CASD1: variants seen among roughly 807,000 people sequenced by gnomAD.
CASD1 encodes the protein N-acetylneuraminate (7)9-O-acetyltransferase.
In CASD1, 41 loss-of-function variants were observed where a neutral mutation model predicts 100.0. That is an observed-to-expected ratio of 0.41 (90% CI 0.32 to 0.53). The LOEUF is 0.53. CASD1 is among the 20% of genes least tolerant of loss of function. CASD1 has a pLI of 0.25. For missense variants in CASD1, 774 were observed against 948.7 expected (o/e 0.82, Z 2.42); for synonymous variants, 321 against 315.6 (o/e 1.02, Z -0.18).
At chr7:94,548,921 A>G (rs982985780) in intron 13 of CASD1, among the ~76,000 whole-genome samples, 8 of 152,092 alleles carry the variant, frequency 5.3e-5, no homozygotes, top group Middle Eastern at 3.4e-3. Flanking sequence ...AGAGGGTACT[A>G]TTCACTAACT....
At chr7:94,582,530 C>T in the CASD1 span, among the ~76,000 whole-genome samples, 2 of 152,026 alleles carry the variant, frequency 1.3e-5, no homozygotes, top group South Asian at 2.1e-4. Context: ...AATTTAAGTT[C>T]CTTATAGATG....
At chr7:94,623,352 A>T in the CASD1 span, 62 of 1,604,086 alleles carry the variant, frequency 3.9e-5, no homozygotes, top group Admixed American at 1.0e-3. Flanking sequence ...TTAATTATCA[A>T]ATTATGCCTT....
rs777274357 is a variant in CASD1, at chr7:94,556,556, A to T, written c.*798A>T. The T allele has an allele frequency of 1.3e-5, 2 of 151,992 alleles. No individual in the cohort carries two copies. Among genetic ancestry groups the T allele is most frequent in the Non-Finnish European group, 2.9e-5 (2 of 67,920 alleles). The allele number at this position is 151,992 out of a possible 1,614,324, so 9.4% of individuals were successfully genotyped here. On this transcript the variant is annotated 3_prime_UTR_variant, in exon 18 of 18. Transcript: ENST00000297273. ...ACCCTGTGGATCCATTTAATATGTTATCCCCACTAATTAATTTTCGTATAT... is the reference window on the plus strand; with the variant it reads ...ACCCTGTGGATCCATTTAATATGTTTTCCCCACTAATTAATTTTCGTATAT...
chr7:94,549,732 A>G (rs1795853776), intron 14 of CASD1, 98 bp downstream of exon 14: 1 of 865,834 alleles, frequency 1.2e-6, no homozygotes, highest in East Asian at 2.7e-5. Flanking sequence ...CAGAATAAAT[A>G]AAGATGTTGA....
the CASD1 span, among the ~76,000 whole-genome samples, chr7:94,611,116 A>G: frequency 3.3e-5 from 5 of 152,230 alleles, no homozygotes; most frequent in Non-Finnish European, 4.4e-5. Flanking sequence ...ATACAGAGTT[A>G]CCATATGACC....
intron 8 of CASD1, 60 bp downstream of exon 8, chr7:94,535,583 T>A: frequency 8.6e-7 from 1 of 1,162,726 alleles, no homozygotes; most frequent in Non-Finnish European, 1.3e-6. Flanking sequence ...CTTTAAGCCA[T>A]AAGTCATTAT....
intron 9 of CASD1, 127 bp from the exon 10 acceptor site, chr7:94,538,840 A>G (rs1457722266): frequency 1.1e-5 from 5 of 460,464 alleles, no homozygotes; most frequent in East Asian, 6.7e-5. Context: ...GTTTCTCACC[A>G]TCAAGGTTCT....
At chr7:94,613,764 T>C in the CASD1 span, among the ~76,000 whole-genome samples, 1 of 152,158 alleles carries the variant, frequency 6.6e-6, no homozygotes, top group Non-Finnish European at 1.5e-5. Context: ...TTATTTTATG[T>C]ATATAGAAGA....
At chr7:94,596,921 C>A in the CASD1 span, among the ~76,000 whole-genome samples, 15 of 152,138 alleles carry the variant, frequency 9.9e-5, no homozygotes, top group East Asian at 9.6e-4. Context: ...AGTACAAATT[C>A]TTTTCATTTT....
Position 94,525,235 on chromosome 7 carries a change from A to G in CASD1, c.352-1927A>G, listed in dbSNP as rs536866281. Among the ~76,000 whole-genome samples the G allele has an allele frequency of 2.6e-5, 4 of 152,324 alleles. No individual in the cohort carries two copies. The South Asian group carries it at 8.3e-4, about 32-fold the overall frequency. On this transcript the variant is annotated intron_variant, in intron 3 of 17. Coordinates refer to ENST00000297273, the MANE Select transcript of CASD1 (RefSeq NM_022900.5). The stretch of plus-strand genomic sequence containing the variant: ...CTGTCAGCTTTGCTATAAGATTGAA[A>G]ATTTTTAAAATTGAAAGTTGGAGAG...
At chr7:94,512,084 C>G (rs1793740328) in intron 1 of CASD1, among the ~76,000 whole-genome samples, 1 of 152,186 alleles carries the variant, frequency 6.6e-6, no homozygotes, top group Admixed American at 6.5e-5. Flanking sequence ...TTGGCAGTAT[C>G]AAACTGAGTC....
At chr7:94,522,466 T>C (rs1794330066) in intron 3 of CASD1, among the ~76,000 whole-genome samples, 1 of 152,178 alleles carries the variant, frequency 6.6e-6, no homozygotes, top group Non-Finnish European at 1.5e-5. Context: ...AATTGGCAAA[T>C]TCTCACTTAC....
Position 94,555,662 on chromosome 7 carries a change from A to T in CASD1, c.2298A>T (p.Lys766Asn), listed in dbSNP as rs571000213. 7.4e-6 allele frequency: 12 copies of T among 1,613,432 alleles called. No homozygotes were observed. In the South Asian group the frequency reaches 1.3e-4, roughly 18 times the overall value. ...ATCTTGCACAGATTATTATTCCTAA[A>T]GATAACTCATCTCTCTTGAAAAGGT... ...TNDLAQIIIP[K>N]DNSSLLKRLA... Residue 766 changes from lysine to asparagine, a missense_variant, in exon 18 of 18, where the codon AAA (lysine) becomes AAT (asparagine). Transcript: ENST00000297273.
the CASD1 span, among the ~76,000 whole-genome samples, chr7:94,586,334 C>T: frequency 6.6e-6 from 1 of 152,186 alleles, no homozygotes; most frequent in South Asian, 2.1e-4. Flanking sequence ...CTGCCGTACT[C>T]ACAAAAATAT....
In CASD1 at chr7:94,554,551, T is replaced by G; in HGVS notation, c.2103T>G (p.Ala701=). The change falls in exon 17 of 18, where the codon GCT becomes GCG. Residue 701 remains alanine, a synonymous_variant. Transcript: ENST00000297273. ...GTTCAGTTTACAGTTCATTTTTTGC[T>G]TGGTTTGGAAAAATTTCATTAGAGG... The part of the protein sequence containing the change: ...YARSVYSSFF[A]WFGKISLELF... 2 of 1,611,752 alleles carry G rather than the reference T, an allele frequency of 1.2e-6. No individual in the cohort carries two copies. The highest frequency in any genetic ancestry group is 1.7e-6 in the Non-Finnish European group (2 of 1,178,360).
the CASD1 span, among the ~76,000 whole-genome samples, chr7:94,569,483 C>G: frequency 6.6e-6 from 1 of 152,172 alleles, no homozygotes; most frequent in Non-Finnish European, 1.5e-5. Flanking sequence ...AAGACAGGGT[C>G]TCACTCTGTC....
In CASD1 at chr7:94,522,493, A is replaced by T. The variant is rs571670439; in HGVS notation, c.351+4170A>T. Among the ~76,000 whole-genome samples, 37 of 152,340 alleles carry T rather than the reference A, an allele frequency of 2.4e-4. No homozygotes were observed. In the South Asian group the frequency reaches 7.5e-3, roughly 31 times the overall value. ...CTCACTTACAGTGGGAGAATTGCAT[A>T]CTGCTCTCAGTTAATGATAGGACAA... On this transcript the variant is annotated intron_variant, in intron 3 of 17. Transcript: ENST00000297273.
the CASD1 span, among the ~76,000 whole-genome samples, chr7:94,578,375 C>G: frequency 6.6e-6 from 1 of 152,164 alleles, no homozygotes; most frequent in Non-Finnish European, 1.5e-5. Context: ...AATCCCACTT[C>G]CGCCTCATCA....
the CASD1 span, chr7:94,588,452 C>G: frequency 7.5e-7 from 1 of 1,328,906 alleles, no homozygotes; most frequent in African/African-American, 1.5e-5. Flanking sequence ...CTTAATTAGA[C>G]AGGACCTCCA....
Sources: gnomAD v4.1 joint callset for allele counts (sites outside exome capture counted in the v4.1 genomes callset) on GRCh38, gnomAD v4.1.1 for gene constraint, MANE v1.5 for transcripts, NCBI Gene and HGNC (gene_info 2026-07-23, HGNC 2026-07-21) for gene names.